ABCB11: variants seen among roughly 807,000 people sequenced by gnomAD.
The protein encoded by ABCB11 is bile salt export pump.
In ABCB11, 95 loss-of-function variants were observed where a neutral mutation model predicts 148.0. That is an observed-to-expected ratio of 0.64 (90% CI 0.54 to 0.76). The LOEUF (loss-of-function observed/expected upper bound fraction) is 0.76. ABCB11 is among the 30% of genes least tolerant of loss of function. The pLI is 0.00. For synonymous variants in ABCB11, 591 were observed against 555.4 expected (o/e 1.06, Z -0.90); for missense variants, 1,523 against 1,617.8 (o/e 0.94, Z 1.01).
chr2:168,972,109 A>C, intron 13 of ABCB11, 59 bp from the exon 14 acceptor site: 1 of 1,488,148 alleles, frequency 6.7e-7, no homozygotes, highest in East Asian at 2.4e-5. Context: ...CTGAATCATA[A>C]TATTATGTCA....
At chr2:168,989,556 A>G (rs1001943193) in intron 9 of ABCB11, among the ~76,000 whole-genome samples, 1 of 152,040 alleles carries the variant, frequency 6.6e-6, no homozygotes, top group African/African-American at 2.4e-5. Flanking sequence ...ATGATCTATT[A>G]CTTTGTAGTA....
In ABCB11 at chr2:168,930,680, A is replaced by T. The variant is rs1362458871; in HGVS notation, c.3396T>A (p.Pro1132=). 6.4e-7 allele frequency: 1 copy of T among 1,557,368 alleles called. No individual in the cohort carries two copies. The highest frequency in any genetic ancestry group is 1.8e-5 in the Admixed American group (1 of 56,030). The change falls in exon 25 of 28, where the codon CCT becomes CCA. Residue 1132 remains proline, a synonymous_variant. Coordinates refer to ENST00000650372, the MANE Select transcript of ABCB11 (RefSeq NM_003742.4). The stretch of plus-strand genomic sequence containing the variant: ...CGTGGCTTACCACCTTCCCTTGATC[A>T]GGATCATAGAAACGTTCCAACAGCT... ...SIQLLERFYD[P]DQGKVMIDGH...
At chr2:168,999,627 C>T (rs1411122550) in intron 5 of ABCB11, among the ~76,000 whole-genome samples, 1 of 152,042 alleles carries the variant, frequency 6.6e-6, no homozygotes, top group Non-Finnish European at 1.5e-5. Flanking sequence ...TAGCATAATT[C>T]TTTCAAGTTT....
At chr2:168,982,897 C>T (rs1004070885) in intron 10 of ABCB11, among the ~76,000 whole-genome samples, 1 of 152,084 alleles carries the variant, frequency 6.6e-6, no homozygotes, top group Admixed American at 6.6e-5. Flanking sequence ...TACAGAAAGA[C>T]GTTGGGAGTA....
intron 22 of ABCB11, among the ~76,000 whole-genome samples, 166 bp from the exon 23 acceptor site, chr2:168,935,591 A>C (rs2105897538): frequency 6.6e-6 from 1 of 152,320 alleles, no homozygotes; most frequent in East Asian, 1.9e-4. Flanking sequence ...ACCCAACTGG[A>C]CCACGAGACA....
chr2:168,961,172 T>C (rs556646289), intron 18 of ABCB11, among the ~76,000 whole-genome samples: 2 of 151,902 alleles, frequency 1.3e-5, no homozygotes, highest in African/African-American at 2.4e-5. Flanking sequence ...AAATTGCTCA[T>C]CTACTATGAT....
chr2:169,013,187 G>T, intron 5 of ABCB11, 85 bp downstream of exon 5: 1 of 1,008,294 alleles, frequency 9.9e-7, no homozygotes. Flanking sequence ...CTCCAGCTCA[G>T]CCAGTAAAAT....
At chr2:168,933,431 A>T (rs556555736) in intron 23 of ABCB11, among the ~76,000 whole-genome samples, 6 of 152,316 alleles carry the variant, frequency 3.9e-5, no homozygotes, top group Admixed American at 3.3e-4. Flanking sequence ...TGAATGATAA[A>T]TATAATGAGA....
At chr2:168,988,047 T>A (rs974216033) in intron 9 of ABCB11, among the ~76,000 whole-genome samples, 2 of 152,144 alleles carry the variant, frequency 1.3e-5, no homozygotes, top group African/African-American at 4.8e-5. Context: ...TTTTCAAGTA[T>A]GCAATGTGAT....
At chr2:168,989,833 T>C (rs1188050271) in intron 9 of ABCB11, among the ~76,000 whole-genome samples, 1 of 152,136 alleles carries the variant, frequency 6.6e-6, no homozygotes, top group Non-Finnish European at 1.5e-5. Context: ...TATTGAATTT[T>C]GTTAAATGCT....
intron 24 of ABCB11, among the ~76,000 whole-genome samples, chr2:168,931,205 T>C (rs1035704682): frequency 1.1e-4 from 16 of 152,140 alleles, no homozygotes; most frequent in African/African-American, 2.9e-4. Context: ...CCAAACCCTA[T>C]AGCTTTGTTC....
chr2:168,998,903 T>A (rs956581008), intron 5 of ABCB11, among the ~76,000 whole-genome samples: 2 of 152,050 alleles, frequency 1.3e-5, no homozygotes, highest in African/African-American at 4.8e-5. Flanking sequence ...GAGAACTTGA[T>A]AATATTTCTG....
intron 3 of ABCB11, among the ~76,000 whole-genome samples, chr2:169,015,405 C>T (rs1695323152): frequency 6.6e-6 from 1 of 152,108 alleles, no homozygotes; most frequent in Non-Finnish European, 1.5e-5. Context: ...TTCTGAGACT[C>T]CCCACGGTCT....
At position 169,014,871 on chromosome 2, in the gene ABCB11, C is replaced by T. The variant is rs148038078; in HGVS notation, c.99-517G>A. Among the ~76,000 whole-genome samples the T allele has an allele frequency of 6.6e-5, 10 of 152,256 alleles. No homozygotes were observed. The East Asian group carries it at 1.9e-3, about 29-fold the overall frequency. On this transcript the variant is annotated intron_variant, in intron 3 of 27. Coordinates refer to ENST00000650372, the MANE Select transcript of ABCB11 (RefSeq NM_003742.4). ...CCCATTCATTTCATTTCCCATAAGGCCATGTTTAACCTGTATTTGACCTCT... is the reference window on the plus strand; with the variant it reads ...CCCATTCATTTCATTTCCCATAAGGTCATGTTTAACCTGTATTTGACCTCT...
Position 168,970,063 on chromosome 2 carries a change from C to T in ABCB11, c.1791G>A (p.Val597=), listed in dbSNP as rs11568371. ...CACAAACCTTACTCAGCACTTCTTG[C>T]ACCATGGCTTCACTCTCATTGTCCA... The part of the protein sequence containing the change: ...SALDNESEAM[V]QEVLSKIQHG... The change falls in exon 15 of 28, where the codon GTG becomes GTA. Residue 597 remains valine (V), a synonymous_variant. Transcript: ENST00000650372. 1 of 1,610,328 alleles carries T rather than the reference C, an allele frequency of 6.2e-7. No homozygotes were observed. The highest frequency in any genetic ancestry group is 8.5e-7 in the Non-Finnish European group (1 of 1,177,870).
intron 8 of ABCB11, among the ~76,000 whole-genome samples, chr2:168,992,383 A>G (rs554103000): frequency 2.0e-5 from 3 of 151,884 alleles, no homozygotes; most frequent in Admixed American, 2.0e-4. Flanking sequence ...ACTTTATCAC[A>G]GGTTTGAAGA....
chr2:168,957,440 T>C (rs570602459), intron 19 of ABCB11, among the ~76,000 whole-genome samples: 20 of 151,714 alleles, frequency 1.3e-4, no homozygotes, highest in African/African-American at 4.1e-4. Context: ...AAGTGAAAAA[T>C]TGGAATAAGC....
chr2:168,995,266 T>C, intron 7 of ABCB11, 83 bp downstream of exon 7: 1 of 1,453,944 alleles, frequency 6.9e-7, no homozygotes, highest in Non-Finnish European at 9.2e-7. Flanking sequence ...CTGAAAATAT[T>C]TTTAAATTTT....
chr2:169,029,894 C>T (rs1161116326), intron 1 of ABCB11, among the ~76,000 whole-genome samples: 6 of 146,188 alleles, frequency 4.1e-5, no homozygotes, highest in Non-Finnish European at 1.5e-5. Context: ...GCGCCCGCCA[C>T]CGCGCCCGGC....
Sources: gnomAD v4.1 joint callset for allele counts (sites outside exome capture counted in the v4.1 genomes callset) on GRCh38, gnomAD v4.1.1 for gene constraint, MANE v1.5 for transcripts, NCBI Gene and HGNC (gene_info 2026-07-23, HGNC 2026-07-21) for gene names.